Variants in FUT8 observed in about 807,000 individuals in gnomAD.
The protein encoded by FUT8 is fucosyltransferase 8, also known as alpha-(1,6)-fucosyltransferase.
In FUT8, 29 loss-of-function variants were observed where a neutral mutation model predicts 71.3. That is an observed-to-expected ratio of 0.41 (90% CI 0.30 to 0.55). FUT8 has a LOEUF of 0.55. Ranked by LOEUF, FUT8 falls within the 20% of genes least tolerant of loss-of-function variation. The pLI is 0.34. For missense variants in FUT8, 544 were observed against 702.1 expected, an observed-to-expected ratio of 0.77 and a Z score of 2.55; for synonymous variants, 254 against 239.3, an observed-to-expected ratio of 1.06 and a Z score of -0.57.
chr14:65,595,433 G>A (rs1887912452), intron 3 of FUT8, among the ~76,000 whole-genome samples: 1 of 152,032 alleles, frequency 6.6e-6, no homozygotes, highest in African/African-American at 2.4e-5. Flanking sequence ...CTCCTTAAAA[G>A]TAAAGTATTT....
chr14:65,376,690 G>A, the FUT8 span, among the ~76,000 whole-genome samples: 1 of 152,060 alleles, frequency 6.6e-6, no homozygotes, highest in African/African-American at 2.4e-5. Flanking sequence ...GGGATTACAG[G>A]CATGAGCCGC....
intron 1 of FUT8, among the ~76,000 whole-genome samples, chr14:65,443,243 T>C (rs886395344): frequency 6.6e-6 from 1 of 151,776 alleles, no homozygotes; most frequent in Non-Finnish European, 1.5e-5. Flanking sequence ...ACCCTGTCTC[T>C]ACTAAAAATA....
chr14:65,412,201 C>T (rs1188939871), upstream of FUT8: 3 of 456,602 alleles, frequency 6.6e-6, no homozygotes, highest in Non-Finnish European at 1.3e-5. Context: ...CGCTGAGTCT[C>T]CTGGGGGAGC....
chr14:65,380,851 C>T, the FUT8 span, among the ~76,000 whole-genome samples: 1 of 152,186 alleles, frequency 6.6e-6, no homozygotes, highest in Non-Finnish European at 1.5e-5. Context: ...ACAAGTTTCC[C>T]ATTTAGAGGT....
At chr14:65,604,160 A>G (rs987810066) in intron 3 of FUT8, among the ~76,000 whole-genome samples, 2 of 151,770 alleles carry the variant, frequency 1.3e-5, no homozygotes, top group Non-Finnish European at 1.5e-5. Flanking sequence ...ATAAGTAATA[A>G]TAATAACTCC....
intron 1 of FUT8, among the ~76,000 whole-genome samples, chr14:65,435,440 C>T (rs146297362): frequency 2.0e-5 from 3 of 152,146 alleles, no homozygotes; most frequent in Non-Finnish European, 2.9e-5. Flanking sequence ...ATCAATAGTT[C>T]GTTCCTTTAC....
intron 1 of FUT8, among the ~76,000 whole-genome samples, chr14:65,434,457 CG>C (rs1191008831): frequency 2.6e-5 from 4 of 152,130 alleles, no homozygotes; most frequent in African/African-American, 7.2e-5. Flanking sequence ...CCACACAAAT[CG>C]GGGGTAGTGT....
intron 2 of FUT8, among the ~76,000 whole-genome samples, chr14:65,508,916 T>A (rs1882148628): frequency 6.6e-6 from 1 of 152,184 alleles, no homozygotes; most frequent in Non-Finnish European, 1.5e-5. Flanking sequence ...GTGGAGAAGC[T>A]TTTTAATTTG....
At chr14:65,654,873 G>A (rs1891591394) in intron 6 of FUT8, among the ~76,000 whole-genome samples, 1 of 151,804 alleles carries the variant, frequency 6.6e-6, no homozygotes, top group Non-Finnish European at 1.5e-5. Context: ...AAAAAATACA[G>A]GACAAAGACT....
chr14:65,410,761 G>A (rs1440036700), upstream of FUT8: 1 of 151,922 alleles, frequency 6.6e-6, no homozygotes, highest in African/African-American at 2.4e-5. Context: ...CCAACTAGAA[G>A]TAGTTCTTTT....
intron 6 of FUT8, among the ~76,000 whole-genome samples, chr14:65,650,613 C>T (rs1178258720): frequency 6.6e-6 from 1 of 151,088 alleles, no homozygotes; most frequent in Non-Finnish European, 1.5e-5. Context: ...CACCTTTCAC[C>T]AGGCCCCACC....
At chr14:65,482,323 T>G (rs949540371) in intron 2 of FUT8, among the ~76,000 whole-genome samples, 2 of 152,062 alleles carry the variant, frequency 1.3e-5, no homozygotes, top group Non-Finnish European at 2.9e-5. Context: ...CTGACCTCTT[T>G]GTCTTTCTTT....
At chr14:65,685,928 A>G (rs890060350) in intron 7 of FUT8, among the ~76,000 whole-genome samples, 3 of 152,152 alleles carry the variant, frequency 2.0e-5, no homozygotes, top group African/African-American at 7.2e-5. Flanking sequence ...AAGTTGTTTT[A>G]TCAGCAAGAC....
intron 2 of FUT8, among the ~76,000 whole-genome samples, chr14:65,469,608 G>A (rs931635559): frequency 2.0e-5 from 3 of 152,218 alleles, no homozygotes; most frequent in African/African-American, 7.2e-5. Context: ...TGTTAGAACA[G>A]CTCAGAGGAG....
rs1202637073 is a variant in FUT8, at chr14:65,413,920, C to G, written c.-326+706C>G. On this transcript the variant is annotated intron_variant, in intron 1 of 10. Transcript: ENST00000673929. This position sits in a 1 kb window ranked among gnomAD's most constrained non-coding sequence, Gnocchi z 4.1. ...TGTTCTTTCTTCACAGTGGGGATTG[C>G]AATCTTCAGAGACGCAGTGTATTTC... is the stretch of plus-strand genomic sequence containing the variant. Among the ~76,000 whole-genome samples, 1 of 152,124 alleles carries G rather than the reference C, an allele frequency of 6.6e-6. No individual in the cohort carries two copies. The highest frequency in any genetic ancestry group is 1.5e-5 in the Non-Finnish European group (1 of 68,034).
chr14:65,709,641 A>T (rs1489167235), intron 7 of FUT8, among the ~76,000 whole-genome samples: 1 of 152,194 alleles, frequency 6.6e-6, no homozygotes, highest in Non-Finnish European at 1.5e-5. Context: ...GAAGAAAAAA[A>T]GTTTCTACAG....
chr14:65,495,890 A>C (rs545449065), intron 2 of FUT8, among the ~76,000 whole-genome samples: 1 of 152,164 alleles, frequency 6.6e-6, no homozygotes, highest in Non-Finnish European at 1.5e-5. Context: ...CTAGAAATAC[A>C]CTTGGAAGGA....
upstream of FUT8, chr14:65,412,493 C>T (rs569417300): frequency 6.0e-5 from 22 of 368,328 alleles, no homozygotes; most frequent in South Asian, 4.2e-4. Context: ...GGGCGGCCTA[C>T]GCCTGTGTGC....
chr14:65,734,637 A>G (rs1003328054), intron 10 of FUT8, among the ~76,000 whole-genome samples: 1 of 152,172 alleles, frequency 6.6e-6, no homozygotes, highest in African/African-American at 2.4e-5. Context: ...GGCAAGGTTT[A>G]TAACTACTTG....
Sources: allele counts gnomAD v4.1 joint callset (sites outside exome capture counted in the v4.1 genomes callset), GRCh38; gene constraint gnomAD v4.1.1; non-coding constraint Gnocchi (gnomAD v3.1); transcripts MANE v1.5; gene names NCBI Gene and HGNC (gene_info 2026-07-23, HGNC 2026-07-21).